Variants in THSD4 observed in about 807,000 individuals in gnomAD.
THSD4 encodes thrombospondin type-1 domain-containing protein 4.
THSD4 carries 69 observed loss-of-function variants against 119.0 expected under a neutral mutation model. That is an observed-to-expected ratio of 0.58 (90% CI 0.48 to 0.71). The LOEUF is 0.71. THSD4 is among the 30% of genes least tolerant of loss of function. The pLI is 0.00. For missense variants in THSD4, 1,393 were observed against 1,391.1 expected, an observed-to-expected ratio of 1.00 and a Z score of -0.02; for synonymous variants, 524 against 540.4, an observed-to-expected ratio of 0.97 and a Z score of 0.42.
intron 7 of THSD4, among the ~76,000 whole-genome samples, chr15:71,493,203 G>T (rs2047950001): frequency 6.6e-6 from 1 of 152,218 alleles, no homozygotes; most frequent in South Asian, 2.1e-4. Context: ...TGGGCTCTGG[G>T]GTAATGTGAG....
chr15:71,492,826 G>A (rs528600312), intron 7 of THSD4, among the ~76,000 whole-genome samples: 24 of 151,784 alleles, frequency 1.6e-4, no homozygotes, highest in Admixed American at 1.4e-3. Flanking sequence ...AGCAGGAATC[G>A]ATTTGCTTGT....
At chr15:71,662,211 A>G (rs1370435673) in intron 8 of THSD4, among the ~76,000 whole-genome samples, 1 of 152,136 alleles carries the variant, frequency 6.6e-6, no homozygotes, top group Non-Finnish European at 1.5e-5. Flanking sequence ...TCCATATTCT[A>G]CAGCTCTTCC....
At chr15:71,170,110 G>A (rs935637042) in intron 3 of THSD4, among the ~76,000 whole-genome samples, 2 of 150,664 alleles carry the variant, frequency 1.3e-5, no homozygotes, top group African/African-American at 4.9e-5. Flanking sequence ...GGAGGCGGAA[G>A]TTGCAGTGAG....
chr15:71,191,904 C>CT (rs11452105), intron 3 of THSD4, among the ~76,000 whole-genome samples: 37,794 of 141,302 alleles, frequency 0.27, 5,404 homozygotes, highest in East Asian at 0.45. Context: ...TCTTCTTCTT[C>CT]TTTTTTTTTT....
chr15:71,343,447 A>C (rs938269817), intron 6 of THSD4, among the ~76,000 whole-genome samples: 1 of 152,208 alleles, frequency 6.6e-6, no homozygotes, highest in Non-Finnish European at 1.5e-5. Flanking sequence ...TCAGAGGGGA[A>C]AAGTCCAAAG....
At chr15:71,216,647 G>A (rs1215032028) in intron 4 of THSD4, among the ~76,000 whole-genome samples, 1 of 152,240 alleles carries the variant, frequency 6.6e-6, no homozygotes, top group African/African-American at 2.4e-5. Flanking sequence ...GAGGGGGAAG[G>A]AGAGAGGCAG....
chr15:71,464,203 C>A (rs949317135), intron 7 of THSD4, among the ~76,000 whole-genome samples: 1 of 152,188 alleles, frequency 6.6e-6, no homozygotes, highest in African/African-American at 2.4e-5. Context: ...CAGGATGTGA[C>A]TTCCATCGGA....
intron 7 of THSD4, among the ~76,000 whole-genome samples, chr15:71,658,115 C>T (rs1370314426): frequency 6.6e-6 from 1 of 152,310 alleles, no homozygotes; most frequent in East Asian, 1.9e-4. Context: ...GCCCGCTCCA[C>T]ACTGCAGTCA....
intron 1 of THSD4, among the ~76,000 whole-genome samples, chr15:71,132,396 T>C (rs2040511735): frequency 6.6e-6 from 1 of 152,246 alleles, no homozygotes; most frequent in Admixed American, 6.5e-5. Flanking sequence ...GAGATGCTTA[T>C]GAGGTAAGGT....
intron 7 of THSD4, among the ~76,000 whole-genome samples, chr15:71,457,218 C>CA (rs1425749831): frequency 6.6e-6 from 1 of 151,698 alleles, no homozygotes; most frequent in Non-Finnish European, 1.5e-5. Flanking sequence ...CCTATCTCCA[C>CA]AAAAAATGTA....
At position 71,757,796 on chromosome 15, in the gene THSD4, C is replaced by CA. The variant is rs2053567374; in HGVS notation, c.2416-105dup. On this transcript the variant is annotated intron_variant, in intron 14 of 17. Transcript: ENST00000261862. ...AGCTGCCAGATATTTCTAGGGGAAA[C>CA]AGACGGCAGGAAAATGAAGCATTCC... 34 of 1,433,846 alleles carry CA rather than the reference C, an allele frequency of 2.4e-5. No homozygotes were observed. In the East Asian group the frequency reaches 7.9e-4, roughly 33 times the overall value. The allele number at this position is 1,433,846 out of a possible 1,614,324, so 88.8% of individuals were successfully genotyped here.
intron 7 of THSD4, among the ~76,000 whole-genome samples, chr15:71,490,356 C>A (rs953814549): frequency 3.6e-4 from 55 of 152,014 alleles, no homozygotes; most frequent in African/African-American, 1.0e-3. Context: ...GTCAGGAGAT[C>A]GAGACCATCC....
intron 7 of THSD4, among the ~76,000 whole-genome samples, chr15:71,563,232 G>T (rs1458205243): frequency 6.6e-6 from 1 of 152,116 alleles, no homozygotes; most frequent in African/African-American, 2.4e-5. Context: ...GCTGTATCAT[G>T]ACTGATGAGG....
At chr15:71,454,510 G>A (rs974530651) in intron 7 of THSD4, among the ~76,000 whole-genome samples, 27 of 152,210 alleles carry the variant, frequency 1.8e-4, no homozygotes, top group African/African-American at 6.0e-4. Flanking sequence ...AGGAGCCCGA[G>A]GCCCCGCGTG....
intron 7 of THSD4, among the ~76,000 whole-genome samples, chr15:71,646,711 T>A (rs2050975676): frequency 6.6e-6 from 1 of 152,246 alleles, no homozygotes; most frequent in African/African-American, 2.4e-5. Context: ...AATTATTACG[T>A]ATTTTCACTT....
intron 6 of THSD4, among the ~76,000 whole-genome samples, chr15:71,380,657 T>C (rs934933091): frequency 2.6e-5 from 4 of 152,056 alleles, no homozygotes; most frequent in Admixed American, 2.6e-4. Context: ...ATAGCCCCTG[T>C]TTTGGTTTTG....
In THSD4 at chr15:71,416,711, A is replaced by G. The variant is rs182196564; in HGVS notation, c.1152+4888A>G. Among the ~76,000 whole-genome samples the G allele has an allele frequency of 6.8e-5, 6 of 87,774 alleles. 2 individuals carry two copies. The highest frequency in any genetic ancestry group is 2.4e-4 in the African/African-American group (6 of 24,944). The allele number at this position is 87,774 out of a possible 152,430, so 57.6% of individuals were successfully genotyped here. A position where few individuals can be genotyped will look rare whatever the true frequency, so the allele number is the denominator to read the frequency against. On this transcript the variant is annotated intron_variant, in intron 7 of 17. Coordinates refer to ENST00000261862, the MANE Select transcript of THSD4 (RefSeq NM_024817.3). ...ATTTTGTTTCATTTTATTTTATTTT[A>G]TTTTGTTTTGTTTTGTTTTGTTTTG...
chr15:71,162,093 A>G (rs2043254518), intron 3 of THSD4, among the ~76,000 whole-genome samples: 1 of 151,962 alleles, frequency 6.6e-6, no homozygotes. Flanking sequence ...CTCAGCCACT[A>G]ATTGTAGTTG....
chr15:71,152,526 G>A (rs2040733297), intron 2 of THSD4, among the ~76,000 whole-genome samples: 1 of 152,176 alleles, frequency 6.6e-6, no homozygotes, highest in African/African-American at 2.4e-5. Context: ...AGCTGGGCCT[G>A]TTGTAGCCTC....
Sources: gnomAD v4.1 joint callset for allele counts (sites outside exome capture counted in the v4.1 genomes callset) on GRCh38, gnomAD v4.1.1 for gene constraint, MANE v1.5 for transcripts, NCBI Gene and HGNC (gene_info 2026-07-23, HGNC 2026-07-21) for gene names.